The following CNKSR2 variants were observed in gnomAD, a reference collection of about 807,000 sequenced individuals.
CNKSR2 encodes the protein CNK homolog protein 2.
Under a neutral mutation model 84.4 loss-of-function variants are expected in CNKSR2, and 14 were observed. The ratio of observed to expected loss-of-function variants is 0.17; its 90% CI spans 0.11 to 0.26. The LOEUF (loss-of-function observed/expected upper bound fraction) is 0.26. Among genes scored for constraint, CNKSR2 ranks in the 10% least tolerant of loss-of-function variants. CNKSR2 has a pLI of 1.00. For missense variants in CNKSR2, 485 were observed against 771.2 expected (o/e 0.63, Z 4.40); for synonymous variants, 275 against 277.9 (o/e 0.99, Z 0.10).
At chrX:21,464,130 A>G (rs1362541111) in intron 4 of CNKSR2, among the ~76,000 whole-genome samples, 2 of 112,605 alleles carry the variant, frequency 1.8e-5, no homozygotes, top group East Asian at 2.8e-4. Flanking sequence ...ACTCAAGTTC[A>G]GATGGCTGGG....
chrX:21,623,178 A>G (rs1262608163), intron 20 of CNKSR2, among the ~76,000 whole-genome samples: 1 of 111,573 alleles, frequency 9.0e-6, no homozygotes, highest in Non-Finnish European at 1.9e-5. Context: ...GGCTCCTAAG[A>G]ATTATCATTT....
intron 11 of CNKSR2, among the ~76,000 whole-genome samples, chrX:21,554,886 T>C (rs1209201568): frequency 9.0e-6 from 1 of 111,349 alleles, no homozygotes; most frequent in Non-Finnish European, 1.9e-5. Flanking sequence ...ATTTCTGTCT[T>C]TAGGTCTTTG....
At chrX:21,424,137 ACAG>A (rs753231616) in intron 1 of CNKSR2, 1 of 111,364 alleles carries the variant, frequency 9.0e-6, no homozygotes, top group African/African-American at 3.3e-5. Context: ...AATTGGTATA[ACAG>A]CAGTCTCTTT....
intron 1 of CNKSR2, among the ~76,000 whole-genome samples, chrX:21,419,069 GTTAA>G (rs2090460148): frequency 9.0e-6 from 1 of 110,546 alleles, no homozygotes; most frequent in South Asian, 3.9e-4. Flanking sequence ...TGTAGGCATG[GTTAA>G]TTGTTTTTTA....
intron 11 of CNKSR2, among the ~76,000 whole-genome samples, chrX:21,543,957 G>A (rs1035428656): frequency 1.8e-5 from 2 of 111,237 alleles, no homozygotes; most frequent in Non-Finnish European, 3.8e-5. Context: ...GAGTAGCTGG[G>A]ATTACAGGCG....
intron 4 of CNKSR2, among the ~76,000 whole-genome samples, chrX:21,458,773 AATAGGCCCC>A (rs1352807880): frequency 9.1e-6 from 1 of 110,349 alleles, no homozygotes; most frequent in African/African-American, 3.3e-5. Context: ...TCCACCTTCC[AATAGGCCCC>A]AGTTTCTGTT....
intron 1 of CNKSR2, among the ~76,000 whole-genome samples, chrX:21,408,413 A>G (rs1300702000): frequency 9.0e-6 from 1 of 111,677 alleles, no homozygotes; most frequent in East Asian, 2.8e-4. Context: ...ATTGAAACAC[A>G]CCAGCGGAGA....
chrX:21,634,632 T>G (rs1291092463), intron 20 of CNKSR2, among the ~76,000 whole-genome samples: 1 of 110,601 alleles, frequency 9.0e-6, no homozygotes, highest in African/African-American at 3.3e-5. Flanking sequence ...TGTTACAGTA[T>G]GGGAGGAAGT....
At chrX:21,641,801 G>A in intron 20 of CNKSR2, 1 of 987,089 alleles carries the variant, frequency 1.0e-6, no homozygotes, top group African/African-American at 2.0e-5. Context: ...ATATAAGAGG[G>A]GCAGGCCACT....
At chrX:21,439,950 C>T (rs1032717029) in intron 3 of CNKSR2, among the ~76,000 whole-genome samples, 3 of 109,374 alleles carry the variant, frequency 2.7e-5, no homozygotes, top group Non-Finnish European at 3.8e-5. Flanking sequence ...CCCCTCCCCC[C>T]CAAAAAAAAA....
chrX:21,388,748 A>G (rs1294796220), intron 1 of CNKSR2, among the ~76,000 whole-genome samples: 1 of 111,508 alleles, frequency 9.0e-6, no homozygotes, highest in Non-Finnish European at 1.9e-5. Flanking sequence ...ATTTATATAC[A>G]TACTCCCTAA....
Position 21,652,607 on chromosome X carries a change from T to C in CNKSR2, c.*86T>C. 1.5e-6 allele frequency: 1 copy of C among 685,105 alleles called. No individual in the cohort carries two copies. Among genetic ancestry groups the C allele is most frequent in the Non-Finnish European group, 2.3e-6 (1 of 442,282 alleles). The allele number at this position is 685,105 out of a possible 1,213,427, so 56.5% of individuals were successfully genotyped here. ...GTTTTTATATCAATGTGTGGAACAC[T>C]TGACAAGCTATACTTTAATGTTACC... On this transcript the variant is annotated 3_prime_UTR_variant, in exon 22 of 22. Transcript: ENST00000379510.
Position 21,526,871 on chromosome X carries a change from T to C in CNKSR2, c.962T>C (p.Leu321Pro). The C allele has an allele frequency of 8.3e-7, 1 of 1,203,159 alleles. No homozygotes were observed. The highest frequency in any genetic ancestry group is 1.1e-6 in the Non-Finnish European group (1 of 889,689). The change falls in exon 10 of 22, where the codon CTT (leucine) becomes CCT (proline). Residue 321 changes from leucine to proline, a missense_variant. By Grantham distance (98) the Leu-to-Pro change is moderately conservative. Transcript: ENST00000379510. ...MRWKPLALQP[L>P]IPRSPTSSVA... is the part of the protein sequence containing the mutation. ...TTTCTTTTTCATTTTAACCAGCCTC[T>C]TATACCTAGAAGTCCCACAAGCAGC...
chrX:21,594,174 C>T (rs918882834), intron 15 of CNKSR2: 6 of 111,846 alleles, frequency 5.4e-5, no homozygotes, highest in Admixed American at 4.7e-4. Flanking sequence ...TTTGCAGGAA[C>T]GTGGATGGAG....
intron 2 of CNKSR2, among the ~76,000 whole-genome samples, chrX:21,430,022 CT>C (rs1480682581): frequency 8.9e-6 from 1 of 112,103 alleles, no homozygotes; most frequent in Non-Finnish European, 1.9e-5. Flanking sequence ...ACCTATTATA[CT>C]CTTCTAAATT....
chrX:21,460,985 C>CA (rs1184371798), intron 4 of CNKSR2, among the ~76,000 whole-genome samples: 1 of 112,557 alleles, frequency 8.9e-6, no homozygotes, highest in Non-Finnish European at 1.9e-5. Context: ...AACAGAGCTG[C>CA]AAAAAACATG....
At chrX:21,471,274 G>A (rs1164153262) in intron 5 of CNKSR2, among the ~76,000 whole-genome samples, 1 of 112,095 alleles carries the variant, frequency 8.9e-6, no homozygotes, top group African/African-American at 3.2e-5. Context: ...TTTTGAATCA[G>A]TTAATGACTT....
At chrX:21,496,967 C>G (rs2091506056) in intron 6 of CNKSR2, among the ~76,000 whole-genome samples, 1 of 110,996 alleles carries the variant, frequency 9.0e-6, no homozygotes, top group African/African-American at 3.3e-5. Flanking sequence ...TTCTGATTTA[C>G]TTAAATTATT....
intron 1 of CNKSR2, among the ~76,000 whole-genome samples, chrX:21,376,660 G>A (rs184122968): frequency 3.6e-5 from 4 of 112,311 alleles, no homozygotes; most frequent in African/African-American, 1.3e-4. Context: ...TATACAGGAA[G>A]CAACAATGCT....
Sources: allele counts gnomAD v4.1 joint callset (sites outside exome capture counted in the v4.1 genomes callset), GRCh38; gene constraint gnomAD v4.1.1; transcripts MANE v1.5; gene names NCBI Gene and HGNC (gene_info 2026-07-23, HGNC 2026-07-21).